The following CLRN2 variants were observed in gnomAD, a reference collection of about 807,000 sequenced individuals.
The protein encoded by CLRN2 is clarin 2.
Under a neutral mutation model 20.1 loss-of-function variants are expected in CLRN2, and 17 were observed. That is an observed-to-expected ratio of 0.85 (90% CI 0.58 to 1.27). The LOEUF (loss-of-function observed/expected upper bound fraction) is 1.27, where lower values mean the gene tolerates loss of function less well. Among genes scored for constraint, CLRN2 ranks in the 50% most tolerant of loss-of-function variants. The probability of loss-of-function intolerance (pLI) is 0.00; values close to 1 mark genes in which losing one functional copy is unlikely to be tolerated. For synonymous variants in CLRN2, 140 were observed against 126.9 expected, an observed-to-expected ratio of 1.10 and a Z score of -0.70; for missense variants, 288 against 299.5, an observed-to-expected ratio of 0.96 and a Z score of 0.28.
chr4:17,516,630 G>A (rs1711684201), intron 1 of CLRN2, among the ~76,000 whole-genome samples: 1 of 152,144 alleles, frequency 6.6e-6, no homozygotes, highest in Admixed American at 6.5e-5. Flanking sequence ...AGATCAATAT[G>A]TCTGGGCATA....
At chr4:17,518,559 G>C (rs1711751885) in intron 1 of CLRN2, among the ~76,000 whole-genome samples, 1 of 152,176 alleles carries the variant, frequency 6.6e-6, no homozygotes, top group African/African-American at 2.4e-5. Context: ...TCAGGAGTTT[G>C]AGACCAGCCT....
At chr4:17,521,968 G>A (rs1711845900) in intron 1 of CLRN2, among the ~76,000 whole-genome samples, 1 of 152,178 alleles carries the variant, frequency 6.6e-6, no homozygotes, top group Non-Finnish European at 1.5e-5. Flanking sequence ...TAACCACTCA[G>A]GACCCATCTT....
intron 1 of CLRN2, among the ~76,000 whole-genome samples, chr4:17,516,577 A>G (rs910604794): frequency 1.3e-5 from 2 of 152,226 alleles, no homozygotes; most frequent in Non-Finnish European, 2.9e-5. Context: ...ACAAATTGTC[A>G]TCATTTAAAC....
intron 1 of CLRN2, among the ~76,000 whole-genome samples, chr4:17,516,673 G>C (rs1489575411): frequency 2.0e-5 from 3 of 151,932 alleles, no homozygotes; most frequent in African/African-American, 7.3e-5. Context: ...ATTAGACCCT[G>C]GATATTGAAC....
At chr4:17,515,549 T>C in intron 1 of CLRN2, 30 bp downstream of exon 1, 2 of 1,606,010 alleles carry the variant, frequency 1.2e-6, no homozygotes, top group Non-Finnish European at 1.7e-6. Flanking sequence ...GAAAGCTGAT[T>C]CTAGGCACTC....
intron 1 of CLRN2, among the ~76,000 whole-genome samples, chr4:17,519,085 T>C (rs1457347187): frequency 6.6e-6 from 1 of 152,252 alleles, no homozygotes; most frequent in Admixed American, 6.5e-5. Context: ...TGGGTTTGAC[T>C]TCAGATGTCC....
rs142555623 is a variant in CLRN2 at position 17,516,940 on chromosome 4, A to C, written c.253+1421A>C. On this transcript the variant is annotated intron_variant, in intron 1 of 2. Coordinates refer to ENST00000511148, the MANE Select transcript of CLRN2 (RefSeq NM_001079827.2). The stretch of plus-strand genomic sequence containing the variant: ...ATGGCTTACACATTTATTAGCATGC[A>C]TAGGGGAAAAATCACAGAGTGATTG... 5.1e-3 allele frequency among the ~76,000 whole-genome samples: 776 copies of C among 152,362 alleles called. 4 individuals are homozygous for C. The highest frequency in any genetic ancestry group is 0.017 in the African/African-American group (723 of 41,588).
At chr4:17,522,782 C>A in intron 1 of CLRN2, 82 bp from the exon 2 acceptor site, 3 of 1,481,512 alleles carry the variant, frequency 2.0e-6, no homozygotes, top group Non-Finnish European at 2.8e-6. Context: ...TCTGTCGAAG[C>A]CTTCGTGGTA....
intron 1 of CLRN2, among the ~76,000 whole-genome samples, chr4:17,516,077 AG>A (rs1358626132): frequency 6.6e-6 from 1 of 152,192 alleles, no homozygotes; most frequent in African/African-American, 2.4e-5. Context: ...CTTTTGTAAA[AG>A]CTTCATAGTC....
chr4:17,524,242 GCA>G (rs1711912877), intron 2 of CLRN2, among the ~76,000 whole-genome samples: 3 of 151,308 alleles, frequency 2.0e-5, no homozygotes, highest in African/African-American at 4.9e-5. Flanking sequence ...GTGTGCGCGC[GCA>G]TGTTGATTTG....
chr4:17,525,374 G>A (rs1278801355), intron 2 of CLRN2, among the ~76,000 whole-genome samples: 6 of 152,048 alleles, frequency 3.9e-5, no homozygotes, highest in African/African-American at 1.2e-4. Context: ...GGTGGCTCAC[G>A]CCTGTAATCC....
At position 17,515,456 on chromosome 4, in the gene CLRN2, G is replaced by C. The variant is rs758368719; in HGVS notation, c.190G>C (p.Gly64Arg). ...LVKFIGDIYY[G>R]LFRGCKVRQC... Reference sequence around the variant, plus strand: ...CAAGTTCATTGGGGACATTTACTACGGGCTCTTCCGAGGGTGTAAAGTGCG... The same window carrying C: ...CAAGTTCATTGGGGACATTTACTACCGGCTCTTCCGAGGGTGTAAAGTGCG... The change falls in exon 1 of 3, where the codon GGG becomes CGG. Residue 64 changes from glycine to arginine, a missense_variant. Physicochemically the swap from Gly to Arg is moderately radical, Grantham distance 125 (BLOSUM62 -2). Coordinates refer to ENST00000511148, the MANE Select transcript of CLRN2 (RefSeq NM_001079827.2). The C allele has an allele frequency of 5.0e-6, 8 of 1,613,782 alleles. No homozygotes were observed. In the African/African-American group the frequency reaches 8.0e-5, roughly 16 times the overall value.
At chr4:17,525,056 G>T (rs1260571635) in intron 2 of CLRN2, among the ~76,000 whole-genome samples, 1 of 152,182 alleles carries the variant, frequency 6.6e-6, no homozygotes, top group East Asian at 1.9e-4. Flanking sequence ...GCAGAAAAAG[G>T]TGAATAGCCT....
chr4:17,523,072 A>C, intron 2 of CLRN2, 29 bp downstream of exon 2: 3 of 1,580,724 alleles, frequency 1.9e-6, no homozygotes, highest in Non-Finnish European at 2.6e-6. Flanking sequence ...AGAGAAAATT[A>C]TGTCCACACC....
At chr4:17,523,106 G>C in intron 2 of CLRN2, 63 bp downstream of exon 2, 1 of 1,435,568 alleles carries the variant, frequency 7.0e-7, no homozygotes. Context: ...GCTCCAAGTA[G>C]TTGGGCAGAA....
chr4:17,524,690 G>A (rs2109003404), intron 2 of CLRN2, among the ~76,000 whole-genome samples: 1 of 151,804 alleles, frequency 6.6e-6, no homozygotes, highest in South Asian at 2.1e-4. Flanking sequence ...AGCACTCTCA[G>A]ACTCTACTGA....
At chr4:17,524,204 A>ATGTGTGTGTGTGTGTGTGTG (rs10527873) in intron 2 of CLRN2, among the ~76,000 whole-genome samples, 41 of 148,652 alleles carry the variant, frequency 2.8e-4, no homozygotes, top group African/African-American at 3.7e-4. Flanking sequence ...AAACTACAAG[A>ATGTGTGTGTGTGTGTGTGTG]TGTGTGTGTG....
At chr4:17,523,603 G>A (rs1489227195) in intron 2 of CLRN2, among the ~76,000 whole-genome samples, 1 of 151,836 alleles carries the variant, frequency 6.6e-6, no homozygotes. Flanking sequence ...GAAGCCAGAA[G>A]ACAGAGAGCT....
chr4:17,520,685 G>A (rs745919481), intron 1 of CLRN2, among the ~76,000 whole-genome samples: 1 of 152,258 alleles, frequency 6.6e-6, no homozygotes, highest in Admixed American at 6.5e-5. Context: ...TATGTTAGTC[G>A]TGTGTCCTAA....
Sources: gnomAD v4.1 joint callset for allele counts (sites outside exome capture counted in the v4.1 genomes callset) on GRCh38, gnomAD v4.1.1 for gene constraint, MANE v1.5 for transcripts, NCBI Gene and HGNC (gene_info 2026-07-23, HGNC 2026-07-21) for gene names.